RIMS1: variants seen among roughly 807,000 people sequenced by gnomAD.
RIMS1 encodes the protein regulating synaptic membrane exocytosis 1.
Under a neutral mutation model 214.1 loss-of-function variants are expected in RIMS1, and 83 were observed. That is an observed-to-expected ratio of 0.39 (90% confidence interval 0.32 to 0.47). RIMS1 has a LOEUF of 0.47. Ranked by LOEUF, RIMS1 falls within the 20% of genes least tolerant of loss-of-function variation. RIMS1 has a pLI of 0.99. For synonymous variants in RIMS1, 793 were observed against 786.8 expected (o/e 1.01, Z -0.13); for missense variants, 2,050 against 2,161.8 (o/e 0.95, Z 1.03).
At chr6:71,982,104 G>A (rs1798646327) in intron 2 of RIMS1, among the ~76,000 whole-genome samples, 1 of 152,018 alleles carries the variant, frequency 6.6e-6, no homozygotes, top group East Asian at 1.9e-4. Context: ...GGAGAATAAA[G>A]GCATCTTTCA....
chr6:72,034,610 A>G (rs1285291386), intron 2 of RIMS1, among the ~76,000 whole-genome samples: 1 of 152,022 alleles, frequency 6.6e-6, no homozygotes, highest in African/African-American at 2.4e-5. Flanking sequence ...TATCTGAGCT[A>G]TTATCAAGCA....
intron 2 of RIMS1, among the ~76,000 whole-genome samples, chr6:71,990,870 G>A (rs546992434): frequency 6.6e-6 from 1 of 152,212 alleles, no homozygotes; most frequent in African/African-American, 2.4e-5. Flanking sequence ...GAGTTTGATA[G>A]TGGTATTCTC....
intron 32 of RIMS1, among the ~76,000 whole-genome samples, 179 bp from the exon 33 acceptor site, chr6:72,398,776 A>G (rs533219798): frequency 2.0e-4 from 31 of 152,302 alleles, no homozygotes; most frequent in Admixed American, 2.0e-3. Context: ...AATGGCAGTA[A>G]TGGTAACATA....
intron 6 of RIMS1, among the ~76,000 whole-genome samples, chr6:72,196,737 A>G (rs1331967752): frequency 6.6e-6 from 1 of 151,952 alleles, no homozygotes; most frequent in Non-Finnish European, 1.5e-5. Context: ...CTATGAGTAG[A>G]TGAGATGTTT....
chr6:72,095,811 A>T (rs1376352168), intron 2 of RIMS1, among the ~76,000 whole-genome samples: 1 of 152,244 alleles, frequency 6.6e-6, no homozygotes. Context: ...GCCTGAATTA[A>T]CAAAAGCATC....
At position 72,401,004 on chromosome 6, in the gene RIMS1, C is replaced by T; in HGVS notation, c.*290C>T. The T allele has an allele frequency of 3.0e-6, 1 of 334,980 alleles. No homozygotes were observed. The allele number at this position is 334,980 out of a possible 1,614,324, so 20.8% of individuals were successfully genotyped here. ...AAATCCACGCATACACGTACACACA[C>T]ACATGCACACACACACACACCAAAT... On this transcript the variant is annotated 3_prime_UTR_variant, in exon 34 of 34. Coordinates refer to ENST00000521978, the MANE Select transcript of RIMS1 (RefSeq NM_014989.7).
intron 8 of RIMS1, among the ~76,000 whole-genome samples, chr6:72,236,717 T>C (rs978416747): frequency 6.7e-5 from 10 of 149,762 alleles, no homozygotes; most frequent in Non-Finnish European, 1.5e-4. Flanking sequence ...CTGAGCAACA[T>C]TGGAAGAAGA....
intron 1 of RIMS1, among the ~76,000 whole-genome samples, chr6:71,896,619 TA>T (rs916832603): frequency 2.6e-5 from 4 of 151,730 alleles, no homozygotes; most frequent in Non-Finnish European, 5.9e-5. Context: ...TTGTGCAAAT[TA>T]AAAAAAATAT....
At chr6:71,995,713 A>G (rs1221221858) in intron 2 of RIMS1, among the ~76,000 whole-genome samples, 1 of 152,096 alleles carries the variant, frequency 6.6e-6, no homozygotes, top group Non-Finnish European at 1.5e-5. Flanking sequence ...CTGCCATCTT[A>G]TGTCCTCACA....
At chr6:72,355,021 T>C (rs575645540) in intron 29 of RIMS1, among the ~76,000 whole-genome samples, 68 of 152,322 alleles carry the variant, frequency 4.5e-4, no homozygotes, top group African/African-American at 1.6e-3. Context: ...TGTGTTGTAA[T>C]AGTGCACCGA....
At chr6:72,206,978 T>G (rs2053036554) in intron 6 of RIMS1, among the ~76,000 whole-genome samples, 1 of 152,246 alleles carries the variant, frequency 6.6e-6, no homozygotes, top group Non-Finnish European at 1.5e-5. Context: ...AATATTGTTT[T>G]AGAGGTAGAA....
At chr6:72,328,619 A>G (rs931911156) in intron 28 of RIMS1, among the ~76,000 whole-genome samples, 1 of 151,926 alleles carries the variant, frequency 6.6e-6, no homozygotes, top group African/African-American at 2.4e-5. Context: ...TACACAAAGT[A>G]AGAATGTTTT....
intron 2 of RIMS1, among the ~76,000 whole-genome samples, chr6:72,081,754 A>G (rs1833468004): frequency 1.3e-5 from 2 of 152,172 alleles, no homozygotes; most frequent in South Asian, 2.1e-4. Context: ...CTGGAATTTT[A>G]TATTCTACAT....
chr6:72,200,081 A>G lies in RIMS1; in HGVS notation c.1678+16932A>G, dbSNP rs181010182. ...AAGAAAATAAAAAATTCTATCTAAT[A>G]TTTCTTTTATTAAATTGCAAGTAAC... On this transcript the variant is annotated intron_variant, in intron 6 of 33. Transcript: ENST00000521978. 3.4e-3 allele frequency among the ~76,000 whole-genome samples: 513 copies of G among 152,164 alleles called. 2 individuals are homozygous for G. The highest frequency in any genetic ancestry group is 0.011 in the African/African-American group (469 of 41,532).
intron 2 of RIMS1, among the ~76,000 whole-genome samples, chr6:71,994,487 A>G (rs767396294): frequency 1.5e-4 from 23 of 152,192 alleles, no homozygotes; most frequent in Non-Finnish European, 2.6e-4. Context: ...GGTATAAGGC[A>G]TTTTAAGAGC....
intron 4 of RIMS1, among the ~76,000 whole-genome samples, chr6:72,102,269 AAATG>A (rs1369469916): frequency 6.6e-6 from 1 of 151,970 alleles, no homozygotes; most frequent in Non-Finnish European, 1.5e-5. Context: ...ATAGCAACTA[AAATG>A]AACTTGCTAC....
At chr6:72,357,126 T>C (rs1347977867) in intron 29 of RIMS1, among the ~76,000 whole-genome samples, 1 of 152,154 alleles carries the variant, frequency 6.6e-6, no homozygotes, top group Non-Finnish European at 1.5e-5. Flanking sequence ...TTGTATTGAG[T>C]TCAGTTTAGC....
At chr6:72,400,433 T>G in intron 33 of RIMS1, 63 bp from the exon 34 acceptor site, 76 of 1,409,264 alleles carry the variant, frequency 5.4e-5, no homozygotes, top group Middle Eastern at 1.8e-4. Context: ...ATAGTTGCTT[T>G]GAGCCCTTCG....
At chr6:72,198,220 T>G (rs1218791488) in intron 6 of RIMS1, among the ~76,000 whole-genome samples, 1 of 152,038 alleles carries the variant, frequency 6.6e-6, no homozygotes, top group African/African-American at 2.4e-5. Context: ...CATCGGTGCA[T>G]GAATGGGTAA....
Sources: gnomAD v4.1 joint callset for allele counts (sites outside exome capture counted in the v4.1 genomes callset) on GRCh38, gnomAD v4.1.1 for gene constraint, MANE v1.5 for transcripts, NCBI Gene and HGNC (gene_info 2026-07-23, HGNC 2026-07-21) for gene names.